Variants in SPTBN4 observed in about 807,000 individuals in gnomAD.
SPTBN4 encodes spectrin beta chain, non-erythrocytic 4.
A neutral mutation model predicts 277.8 loss-of-function variants in SPTBN4; 96 were observed. The observed-to-expected ratio is 0.35, with a 90% CI of 0.29 to 0.41. The LOEUF is 0.41. Ranked by LOEUF, SPTBN4 falls within the 10% of genes least tolerant of loss-of-function variation. The pLI is 1.00. For synonymous variants in SPTBN4, 1,481 were observed against 1,580.3 expected, an observed-to-expected ratio of 0.94 and a Z score of 1.49; for missense variants, 3,006 against 3,595.7, an observed-to-expected ratio of 0.84 and a Z score of 4.19.
chr19:40,503,970 C>A lies in SPTBN4; in HGVS notation c.1503C>A (p.Tyr501Ter). The change falls in exon 12 of 36, where the codon TAC becomes TAA. Residue 501 changes from tyrosine (Y) to a stop codon, truncating the protein, a stop_gained. Coordinates refer to ENST00000598249, the MANE Select transcript of SPTBN4 (RefSeq NM_020971.3). LOFTEE classifies it high-confidence loss of function. ...LAQALAAEGYYDIRRVAAQRD... is the reference protein window; with the variant it reads ...LAQALAAEGY ...AGGCATTGGCAGCCGAAGGCTACTA[C>A]GATATCCGGCGGGTGGCAGCCCAGC... 1 of 1,613,962 alleles carries A rather than the reference C, an allele frequency of 6.2e-7. No individual in the cohort carries two copies. The highest frequency in any genetic ancestry group is 8.5e-7 in the Non-Finnish European group (1 of 1,180,014).
rs1408337596 is a variant in SPTBN4 at position 40,519,627 on chromosome 19, G to A, written c.3130G>A (p.Glu1044Lys). The A allele has an allele frequency of 2.8e-6, 4 of 1,434,834 alleles. No homozygotes were observed. The highest frequency in any genetic ancestry group is 3.2e-5 in the Admixed American group (1 of 30,774). 88.9% of individuals were successfully genotyped at this position (1,434,834 alleles called of 1,614,324 possible). A position where few individuals can be genotyped will look rare whatever the true frequency, so the allele number is the denominator to read the frequency against. Reference sequence around the variant, plus strand: ...GCCGCGCCAGGCGGCCCTTCTGGAGGAGGCAGCCCTGCTGGCTGAGCGCTT... The same window carrying A: ...GCCGCGCCAGGCGGCCCTTCTGGAGAAGGCAGCCCTGCTGGCTGAGCGCTT... ...LEPRQAALLEEAALLAERFPA... is the reference protein window; with the variant it reads ...LEPRQAALLEKAALLAERFPA... The change falls in exon 16 of 36, where the codon GAG (glutamate) becomes AAG (lysine). Residue 1044 changes from glutamate (E) to lysine (K), a missense_variant. This residue lies in a region of SPTBN4 where 1,759 missense variants were observed against 2,061.5 expected (regional missense o/e 0.85). Coordinates refer to ENST00000598249, the MANE Select transcript of SPTBN4 (RefSeq NM_020971.3). The surrounding 1 kb of genome is among the most constrained non-coding windows in gnomAD (Gnocchi z 5.7).
At chr19:40,467,595 C>T (rs2079839852) in intron 1 of SPTBN4, among the ~76,000 whole-genome samples, 1 of 151,414 alleles carries the variant, frequency 6.6e-6, no homozygotes, top group African/African-American at 2.4e-5. Flanking sequence ...TCTGATGCCA[C>T]CGCAGCCCAG....
intron 27 of SPTBN4, among the ~76,000 whole-genome samples, chr19:40,563,020 C>T (rs553646984): frequency 2.0e-5 from 3 of 151,892 alleles, no homozygotes; most frequent in East Asian, 1.9e-4. Context: ...GACTACCCTA[C>T]GCAACATAGT....
rs774582180 is a variant in SPTBN4 at position 40,567,778 on chromosome 19, G to T, written c.6452G>T (p.Gly2151Val). 2.0e-6 allele frequency: 3 copies of T among 1,526,642 alleles called. No homozygotes were observed. The African/African-American group carries it at 4.3e-5, about 22-fold the overall frequency. The allele number at this position is 1,526,642 out of a possible 1,614,324, so 94.6% of individuals were successfully genotyped here. Residue 2151 changes from glycine (G) to valine (V), a missense_variant, in exon 31 of 36, where the codon GGG (glycine) becomes GTG (valine). Gly to Val is a moderately radical substitution (Grantham distance 109). Transcript: ENST00000598249. ...AAGGCGGCGCCCCTGCTGCGGCCAGGGGGCTATGAAAGGGGCTTGGAGCCC... is the reference window on the plus strand; with the variant it reads ...AAGGCGGCGCCCCTGCTGCGGCCAGTGGGCTATGAAAGGGGCTTGGAGCCC... ...AAKAAPLLRPGGYERGLEPLA... is the reference protein window; with the variant it reads ...AAKAAPLLRPVGYERGLEPLA...
At chr19:40,494,729 A>ATC (rs1378084535) in intron 5 of SPTBN4, among the ~76,000 whole-genome samples, 168 bp from the exon 6 acceptor site, 5 of 150,792 alleles carry the variant, frequency 3.3e-5, no homozygotes, top group Non-Finnish European at 7.4e-5. Context: ...GTATCTACCT[A>ATC]TCTCTCTCTC....
In SPTBN4 at chr19:40,570,659, A is replaced by T; in HGVS notation, c.7250A>T (p.His2417Leu). Residue 2417 changes from histidine (H) to leucine (L), a missense_variant, in exon 33 of 36, where the codon CAC becomes CTC. Around this residue, in one of 5 missense-constraint regions of SPTBN4, gnomAD observed 630 missense variants for 677.6 expected, o/e 0.93. Transcript: ENST00000598249. ...CCCGCGCCTCCGCCACCGCCCACTCACACAGTGCAGCACGAGGGCTTCCTA... is the reference window on the plus strand; with the variant it reads ...CCCGCGCCTCCGCCACCGCCCACTCTCACAGTGCAGCACGAGGGCTTCCTA... Reference protein sequence around the residue: ...SAPAPPPPPTHTVQHEGFLLR... With the variant: ...SAPAPPPPPTLTVQHEGFLLR... 6.4e-7 allele frequency: 1 copy of T among 1,564,048 alleles called. No individual in the cohort carries two copies. Among genetic ancestry groups the T allele is most frequent in the Non-Finnish European group, 8.6e-7 (1 of 1,158,724 alleles).
At chr19:40,570,925 T>G (rs988141546) in intron 33 of SPTBN4, 197 bp downstream of exon 33, 2 of 514,400 alleles carry the variant, frequency 3.9e-6, no homozygotes, top group Admixed American at 4.3e-5. Context: ...GGGTGTGGTT[T>G]AACGTCAGGC....
chr19:40,553,781 A>G (rs1197813660), intron 22 of SPTBN4, among the ~76,000 whole-genome samples: 1 of 152,008 alleles, frequency 6.6e-6, no homozygotes, highest in African/African-American at 2.4e-5. Context: ...TACAAATGAT[A>G]CCTCGGCTGC....
chr19:40,494,474 C>A (rs989228828), intron 5 of SPTBN4, among the ~76,000 whole-genome samples: 12 of 151,640 alleles, frequency 7.9e-5, no homozygotes, highest in African/African-American at 2.9e-4. Flanking sequence ...TTCTCTTTTT[C>A]TCTTCTCTCC....
intron 16 of SPTBN4, among the ~76,000 whole-genome samples, chr19:40,520,865 T>A (rs1239986652): frequency 6.6e-6 from 1 of 152,150 alleles, no homozygotes; most frequent in Non-Finnish European, 1.5e-5. Flanking sequence ...GGTGCCTGCC[T>A]GTACTGGTTA....
In SPTBN4 at chr19:40,566,302, C is replaced by G; in HGVS notation, c.6279C>G (p.Phe2093Leu). The change falls in exon 30 of 36, where the codon TTC (phenylalanine) becomes TTG (leucine). Residue 2093 changes from phenylalanine to leucine, a missense_variant. Physicochemically the swap from Phe to Leu is conservative, Grantham distance 22. This residue lies in a region of SPTBN4 where 630 missense variants were observed against 677.6 expected (regional missense o/e 0.93). Transcript: ENST00000598249. ...AGCTTATCCGGCGACATGAGGCCTTCCGCAAAGCGGCTGCAGCCTGGGAAG... is the reference window on the plus strand; with the variant it reads ...AGCTTATCCGGCGACATGAGGCCTTGCGCAAAGCGGCTGCAGCCTGGGAAG... Reference protein sequence around the residue: ...VEQLIRRHEAFRKAAAAWEER... With the variant: ...VEQLIRRHEALRKAAAAWEER... 1.3e-6 allele frequency: 2 copies of G among 1,594,622 alleles called. No individual in the cohort carries two copies. Among genetic ancestry groups the G allele is most frequent in the Non-Finnish European group, 1.7e-6 (2 of 1,170,588 alleles).
At chr19:40,479,936 T>C (rs1217113059) in intron 2 of SPTBN4, among the ~76,000 whole-genome samples, 7 of 144,162 alleles carry the variant, frequency 4.9e-5, no homozygotes, top group Non-Finnish European at 7.6e-5. Context: ...ACCCCGTCTC[T>C]ACAAAAAAAA....
intron 33 of SPTBN4, 114 bp downstream of exon 33, chr19:40,570,842 G>A: frequency 8.2e-7 from 1 of 1,216,282 alleles, no homozygotes; most frequent in Non-Finnish European, 1.1e-6. Flanking sequence ...CCAGCAGGTG[G>A]CGGTAGTAGG....
intron 1 of SPTBN4, among the ~76,000 whole-genome samples, chr19:40,468,080 C>CTT (rs10622374): frequency 0.19 from 27,096 of 144,424 alleles, 2,823 homozygotes; most frequent in Non-Finnish European, 0.23. Context: ...ATTATCATTA[C>CTT]TTTTTTTTTT....
chr19:40,568,354 C>A (rs2081118244), intron 31 of SPTBN4, 72 bp downstream of exon 31: 25 of 1,470,312 alleles, frequency 1.7e-5, no homozygotes, highest in Admixed American at 5.2e-5. Context: ...CCCTCAGGCC[C>A]AGTGAAAGGG....
Position 40,570,566 on chromosome 19 carries a change from CCAGAGA to C in SPTBN4, c.7158_7163del (p.Arg2387_Glu2388del). ...CCCAAGCCGCGACGGCGGCCGCGGC[CCAGAGA>C]GGGTGGTGAGGGCGGGGGAAGCCGG... On this transcript the variant is annotated inframe_deletion, in exon 33 of 36. Transcript: ENST00000598249. 1 of 1,378,456 alleles carries C rather than the reference CCAGAGA, an allele frequency of 7.3e-7. No homozygotes were observed. The highest frequency in any genetic ancestry group is 9.4e-7 in the Non-Finnish European group (1 of 1,069,448). 85.4% of individuals were successfully genotyped at this position (1,378,456 alleles called of 1,614,324 possible).
chr19:40,484,680 C>A (rs1328300432), intron 2 of SPTBN4, among the ~76,000 whole-genome samples: 1 of 151,934 alleles, frequency 6.6e-6, no homozygotes, highest in Admixed American at 6.6e-5. Context: ...GTAATCCTAG[C>A]ACTTTGGGAG....
chr19:40,520,325 A>G (rs1488333154), intron 16 of SPTBN4, among the ~76,000 whole-genome samples, 174 bp downstream of exon 16: 1 of 152,166 alleles, frequency 6.6e-6, no homozygotes, highest in South Asian at 2.1e-4. Flanking sequence ...TGGAACATCC[A>G]GTGTGTGTGG....
In SPTBN4 at chr19:40,556,062, G is replaced by A. The variant is rs1423362741; in HGVS notation, c.5085-22G>A. ...CCAGAAGTCTCAGGGGTCCATCCCT[G>A]CCCCTCCATGTCCCCCTTCAGCGAG... is the stretch of plus-strand genomic sequence containing the variant. On this transcript the variant is annotated intron_variant, in intron 24 of 35. Transcript: ENST00000598249. 5.6e-6 allele frequency: 9 copies of A among 1,600,350 alleles called. No homozygotes were observed. The South Asian group carries it at 6.7e-5, about 12-fold the overall frequency.
Sources: gnomAD v4.1 joint callset for allele counts (sites outside exome capture counted in the v4.1 genomes callset) on GRCh38, gnomAD v4.1.1 for gene constraint, gnomAD v4.1.1 regional missense constraint, Gnocchi (gnomAD v3.1) non-coding constraint, MANE v1.5 for transcripts, NCBI Gene and HGNC (gene_info 2026-07-23, HGNC 2026-07-21) for gene names.